Variants in GRIP1 observed in about 807,000 individuals in gnomAD.
The protein encoded by GRIP1 is glutamate receptor-interacting protein 1.
Under a neutral mutation model 129.9 loss-of-function variants are expected in GRIP1, and 45 were observed. The ratio of observed to expected loss-of-function variants is 0.35; its 90% CI spans 0.27 to 0.44. The LOEUF is 0.44. GRIP1 is among the 20% of genes least tolerant of loss of function. GRIP1 has a pLI of 1.00. For missense variants in GRIP1, 1,196 were observed against 1,396.8 expected (o/e 0.86, Z 2.29); for synonymous variants, 530 against 520.8 (o/e 1.02, Z -0.24).
chr12:66,575,421 T>C (rs915446279), intron 2 of GRIP1, among the ~76,000 whole-genome samples: 2 of 152,210 alleles, frequency 1.3e-5, no homozygotes, highest in Admixed American at 6.5e-5. Flanking sequence ...CTATGAACAA[T>C]TAGAAGTGTT....
chr12:66,633,428 G>A (rs2080007131), intron 1 of GRIP1, among the ~76,000 whole-genome samples: 1 of 151,606 alleles, frequency 6.6e-6, no homozygotes, highest in Non-Finnish European at 1.5e-5. Flanking sequence ...TGGGATTACA[G>A]GCATGGGCTA....
chr12:66,455,738 C>A (rs1288625632), intron 10 of GRIP1, among the ~76,000 whole-genome samples, 174 bp from the exon 11 acceptor site: 1 of 152,190 alleles, frequency 6.6e-6, no homozygotes, highest in Non-Finnish European at 1.5e-5. Context: ...TTTACAAGAG[C>A]CTACAAATGC....
chr12:66,837,994 G>A (rs561581522), intron 1 of GRIP1, among the ~76,000 whole-genome samples: 7 of 152,204 alleles, frequency 4.6e-5, no homozygotes, highest in Admixed American at 2.0e-4. Flanking sequence ...AGGAGTTCGC[G>A]ACCAGTGTGG....
At position 66,410,025 on chromosome 12, in the gene GRIP1, C is replaced by T. The variant is rs527785051; in HGVS notation, c.1839-3597G>A. Among the ~76,000 whole-genome samples, 317 of 150,850 alleles carry T rather than the reference C, an allele frequency of 2.1e-3. 3 individuals are homozygous for T. The highest frequency in any genetic ancestry group is 7.2e-3 in the African/African-American group (296 of 41,084). On this transcript the variant is annotated intron_variant, in intron 15 of 24. Transcript: ENST00000359742. ...CAGCACTTTGGGAGGCCGAGGCGGGCGGATCACGAGGTCAGGAGATCGAGA... is the reference window on the plus strand; with the variant it reads ...CAGCACTTTGGGAGGCCGAGGCGGGTGGATCACGAGGTCAGGAGATCGAGA...
Position 66,451,398 on chromosome 12 carries a change from T to G in GRIP1, c.1354+4011A>C, listed in dbSNP as rs1279520834. On this transcript the variant is annotated intron_variant, in intron 11 of 24. Transcript: ENST00000359742. Reference sequence around the variant, plus strand: ...ATTATAATCTGTTTTTTTTTTTTTTTTTTTTTTTTTTTTTTTTTTTTTTCA... The same window carrying G: ...ATTATAATCTGTTTTTTTTTTTTTTGTTTTTTTTTTTTTTTTTTTTTTTCA... Among the ~76,000 whole-genome samples, 416 of 103,242 alleles carry G rather than the reference T, an allele frequency of 4.0e-3. 21 individuals are homozygous for G. The highest frequency in any genetic ancestry group is 0.014 in the African/African-American group (333 of 24,508). The allele number at this position is 103,242 out of a possible 152,430, so 67.7% of individuals were successfully genotyped here. A position where few individuals can be genotyped will look rare whatever the true frequency, so the allele number is the denominator to read the frequency against.
intron 5 of GRIP1, among the ~76,000 whole-genome samples, chr12:66,521,400 A>G (rs986438183): frequency 2.0e-5 from 3 of 152,214 alleles, no homozygotes; most frequent in Non-Finnish European, 2.9e-5. Flanking sequence ...ATATTTATTA[A>G]GATGTTTAAT....
chr12:66,654,360 G>A (rs1417437516), intron 1 of GRIP1, among the ~76,000 whole-genome samples: 1 of 152,104 alleles, frequency 6.6e-6, no homozygotes, highest in Non-Finnish European at 1.5e-5. Flanking sequence ...AACAAATATA[G>A]GTCAAGTCCT....
In GRIP1 at chr12:66,894,674, T is replaced by C. The variant is rs974422799; in HGVS notation, c.58+174376A>G. ...AAGGCTCCTGAGCTAATCATGAAAA[T>C]GGCAAGAATTAGATCAGAAGACACA... On this transcript the variant is annotated intron_variant, in intron 1 of 1. Transcript: ENST00000643019. Among the ~76,000 whole-genome samples the C allele has an allele frequency of 3.3e-5, 5 of 152,044 alleles. No homozygotes were observed. The East Asian group carries it at 9.7e-4, about 29-fold the overall frequency.
intron 1 of GRIP1, among the ~76,000 whole-genome samples, chr12:66,887,099 T>G (rs761757291): frequency 1.3e-5 from 2 of 152,232 alleles, no homozygotes; most frequent in Non-Finnish European, 2.9e-5. Context: ...CATGAACCAC[T>G]TGATCTTATG....
intron 1 of GRIP1, among the ~76,000 whole-genome samples, chr12:66,711,939 T>A (rs1164006436): frequency 6.6e-6 from 1 of 151,968 alleles, no homozygotes; most frequent in African/African-American, 2.4e-5. Flanking sequence ...TTTAGGACTT[T>A]CATCATTAAA....
chr12:66,492,354 T>TA (rs910779244), intron 7 of GRIP1, among the ~76,000 whole-genome samples: 2 of 152,144 alleles, frequency 1.3e-5, no homozygotes, highest in African/African-American at 4.8e-5. Context: ...AACATAAAAT[T>TA]AAAAACCAAA....
At chr12:66,722,138 T>C (rs1456718569) in intron 1 of GRIP1, among the ~76,000 whole-genome samples, 2 of 152,214 alleles carry the variant, frequency 1.3e-5, no homozygotes, top group African/African-American at 4.8e-5. Context: ...TTCCTTTGCA[T>C]TCACAACTTG....
chr12:66,770,360 G>T (rs977703974), intron 1 of GRIP1, among the ~76,000 whole-genome samples: 7 of 152,196 alleles, frequency 4.6e-5, no homozygotes, highest in Admixed American at 4.6e-4. Flanking sequence ...GTATAATTCA[G>T]TATGAAGTTC....
rs531908026 is a variant in GRIP1, at chr12:66,537,140, C to T, written c.418+1938G>A. Reference sequence around the variant, plus strand: ...CTTTTTATTGAAAACTTTGATAGTGCCAGGCACTATTCTAAATGTTTTCCA... The same window carrying T: ...CTTTTTATTGAAAACTTTGATAGTGTCAGGCACTATTCTAAATGTTTTCCA... On this transcript the variant is annotated intron_variant, in intron 4 of 24. Transcript: ENST00000359742. Among the ~76,000 whole-genome samples the T allele has an allele frequency of 3.3e-5, 5 of 152,096 alleles. No homozygotes were observed. The South Asian group carries it at 8.3e-4, about 25-fold the overall frequency.
intron 24 of GRIP1, among the ~76,000 whole-genome samples, chr12:66,352,459 A>G (rs1168316): frequency 0.5 from 76,530 of 152,008 alleles, 19,812 homozygotes; most frequent in East Asian, 0.58. Context: ...GAGGTTGCGC[A>G]CAGTGGCTCA....
At chr12:66,715,452 A>ATGTGTGTGTG (rs36142878) in intron 1 of GRIP1, among the ~76,000 whole-genome samples, 1,981 of 72,628 alleles carry the variant, frequency 0.027, 55 homozygotes, top group African/African-American at 0.06. Flanking sequence ...TTGTAGCTTG[A>ATGTGTGTGTG]TGTGTGTGTG....
chr12:66,647,691 T>C (rs959077545), intron 1 of GRIP1, among the ~76,000 whole-genome samples: 1 of 151,976 alleles, frequency 6.6e-6, no homozygotes, highest in Admixed American at 6.6e-5. Flanking sequence ...ACATCACATA[T>C]TCTTAGAGAT....
At chr12:66,632,375 C>T (rs1270430741) in intron 1 of GRIP1, among the ~76,000 whole-genome samples, 1 of 152,202 alleles carries the variant, frequency 6.6e-6, no homozygotes, top group African/African-American at 2.4e-5. Flanking sequence ...TCAGCAACAA[C>T]CCCTCTCTAT....
chr12:66,531,703 T>C (rs1170492278), intron 4 of GRIP1, among the ~76,000 whole-genome samples: 1 of 152,096 alleles, frequency 6.6e-6, no homozygotes, highest in Non-Finnish European at 1.5e-5. Flanking sequence ...TGAGGTACAG[T>C]TTTAATTAAA....
Sources: allele counts gnomAD v4.1 joint callset (sites outside exome capture counted in the v4.1 genomes callset), GRCh38; gene constraint gnomAD v4.1.1; transcripts MANE v1.5; gene names NCBI Gene and HGNC (gene_info 2026-07-23, HGNC 2026-07-21).